Variants in NCAM2 observed in about 807,000 individuals in gnomAD.
NCAM2 encodes the protein neural cell adhesion molecule 2.
In NCAM2, 30 loss-of-function variants were observed where a neutral mutation model predicts 98.1. That is an observed-to-expected ratio of 0.31 (90% CI 0.23 to 0.41). The LOEUF is 0.41. Ranked by LOEUF, NCAM2 falls within the 10% of genes least tolerant of loss-of-function variation. The pLI, the probability that NCAM2 is intolerant of heterozygous loss-of-function variation, is 1.00. For missense variants in NCAM2, 867 were observed against 1,005.8 expected (o/e 0.86, Z 1.87); for synonymous variants, 368 against 342.4 (o/e 1.07, Z -0.83).
chr21:21,356,085 T>G (rs566152813), intron 8 of NCAM2, among the ~76,000 whole-genome samples: 4 of 152,318 alleles, frequency 2.6e-5, no homozygotes, highest in Admixed American at 2.0e-4. Flanking sequence ...ACTTAAAATA[T>G]TTTGCAGACT....
chr21:21,342,432 A>G (rs959416662), intron 8 of NCAM2, among the ~76,000 whole-genome samples: 11 of 152,174 alleles, frequency 7.2e-5, no homozygotes, highest in African/African-American at 2.7e-4. Flanking sequence ...TGGCTCACTT[A>G]AGTGGCTGGA....
chr21:21,117,711 AT>A (rs1017689611), intron 1 of NCAM2, among the ~76,000 whole-genome samples: 4 of 152,160 alleles, frequency 2.6e-5, no homozygotes, highest in Admixed American at 2.6e-4. Flanking sequence ...ATTGAGGATT[AT>A]TGGACCTAGT....
At chr21:21,143,633 A>G (rs1257933742) in intron 1 of NCAM2, among the ~76,000 whole-genome samples, 1 of 151,992 alleles carries the variant, frequency 6.6e-6, no homozygotes, top group Non-Finnish European at 1.5e-5. Context: ...TATCTTTTTA[A>G]TATTGTATCT....
intron 9 of NCAM2, among the ~76,000 whole-genome samples, chr21:21,376,927 A>G (rs2076045762): frequency 6.6e-6 from 1 of 151,740 alleles, no homozygotes; most frequent in South Asian, 2.1e-4. Flanking sequence ...TATTGCCGCC[A>G]TCTTGATTAG....
At chr21:21,005,006 G>A (rs542479870) in intron 1 of NCAM2, among the ~76,000 whole-genome samples, 27 of 152,212 alleles carry the variant, frequency 1.8e-4, no homozygotes, top group Admixed American at 1.6e-3. Flanking sequence ...AAGAAGGGAG[G>A]GGCGCGTTGA....
intron 17 of NCAM2, among the ~76,000 whole-genome samples, chr21:21,536,179 T>G (rs1248678587): frequency 6.6e-6 from 1 of 152,138 alleles, no homozygotes; most frequent in East Asian, 1.9e-4. Flanking sequence ...TTTTAATGTT[T>G]TTTTCATTCC....
intron 8 of NCAM2, among the ~76,000 whole-genome samples, chr21:21,357,633 A>G (rs1384156745): frequency 1.3e-5 from 2 of 152,132 alleles, no homozygotes; most frequent in East Asian, 3.9e-4. Flanking sequence ...TTTTTTTTAT[A>G]CATCCTTGTG....
intron 1 of NCAM2, among the ~76,000 whole-genome samples, chr21:21,251,002 A>G (rs57079754): frequency 0.49 from 74,875 of 151,998 alleles, 19,009 homozygotes; most frequent in South Asian, 0.58. Context: ...ATGAAACTTA[A>G]GTTTAACCTG....
intron 5 of NCAM2, among the ~76,000 whole-genome samples, chr21:21,295,266 G>A (rs959635567): frequency 2.0e-5 from 3 of 151,354 alleles, no homozygotes; most frequent in Non-Finnish European, 2.9e-5. Flanking sequence ...TCACCAATTA[G>A]TTGAAAGATA....
intron 1 of NCAM2, among the ~76,000 whole-genome samples, chr21:21,080,118 A>G (rs1373924513): frequency 1.3e-5 from 2 of 152,180 alleles, no homozygotes; most frequent in African/African-American, 4.8e-5. Context: ...GGGCAAAGGA[A>G]ACTTTTGGAG....
intron 1 of NCAM2, among the ~76,000 whole-genome samples, chr21:21,231,059 A>G (rs1252793738): frequency 6.6e-6 from 1 of 151,410 alleles, no homozygotes; most frequent in Non-Finnish European, 1.5e-5. Context: ...ATTAACAAGC[A>G]ATTTCTGGCA....
intron 12 of NCAM2, among the ~76,000 whole-genome samples, chr21:21,438,297 GA>G (rs1188536442): frequency 1.3e-5 from 2 of 151,434 alleles, no homozygotes; most frequent in African/African-American, 4.9e-5. Context: ...TATTTAAGAT[GA>G]ATATTGTAGC....
intron 4 of NCAM2, among the ~76,000 whole-genome samples, chr21:21,290,311 TTTTA>T (rs572751182): frequency 5.5e-4 from 83 of 152,044 alleles, no homozygotes; most frequent in African/African-American, 1.9e-3. Flanking sequence ...TCATTTTAAA[TTTTA>T]TTTATTTATA....
chr21:21,355,142 A>T (rs914380696), intron 8 of NCAM2, among the ~76,000 whole-genome samples: 1 of 152,056 alleles, frequency 6.6e-6, no homozygotes, highest in African/African-American at 2.4e-5. Flanking sequence ...GAAATTTAAG[A>T]TTATTTCGTG....
chr21:21,415,639 G>A (rs11701588), intron 10 of NCAM2, among the ~76,000 whole-genome samples: 1 of 152,204 alleles, frequency 6.6e-6, no homozygotes, highest in Non-Finnish European at 1.5e-5. Flanking sequence ...CCGGCCCTTA[G>A]CTTGATCTTC....
intron 1 of NCAM2, chr21:21,226,738 A>G (rs2070399001): frequency 6.6e-6 from 1 of 152,090 alleles, no homozygotes; most frequent in Admixed American, 6.6e-5. Context: ...AATGAAGAGT[A>G]ATAAACAGTA....
At chr21:21,327,965 C>T (rs1051229971) in intron 6 of NCAM2, among the ~76,000 whole-genome samples, 4 of 152,080 alleles carry the variant, frequency 2.6e-5, no homozygotes, top group African/African-American at 9.7e-5. Context: ...TTCGTTCAAA[C>T]GGTACTTCTA....
intron 5 of NCAM2, among the ~76,000 whole-genome samples, chr21:21,314,609 G>A (rs1226408108): frequency 1.3e-5 from 2 of 151,968 alleles, no homozygotes; most frequent in African/African-American, 4.8e-5. Context: ...TGGATTTCAT[G>A]ACATTTTGGT....
chr21:21,371,181 G>T (rs1756308592), intron 8 of NCAM2, among the ~76,000 whole-genome samples: 1 of 151,800 alleles, frequency 6.6e-6, no homozygotes, highest in Non-Finnish European at 1.5e-5. Flanking sequence ...AGGGAAAACA[G>T]TATTTCTGTT....
Sources: gnomAD v4.1 joint callset for allele counts (sites outside exome capture counted in the v4.1 genomes callset) on GRCh38, gnomAD v4.1.1 for gene constraint, MANE v1.5 for transcripts, NCBI Gene and HGNC (gene_info 2026-07-23, HGNC 2026-07-21) for gene names.